PDE12: variants seen among roughly 807,000 people sequenced by gnomAD.
PDE12 encodes 2',5'-phosphodiesterase 12.
PDE12 carries 26 observed loss-of-function variants against 45.4 expected under a neutral mutation model. That is an observed-to-expected ratio of 0.57 (90% confidence interval 0.42 to 0.79). The LOEUF (loss-of-function observed/expected upper bound fraction) is 0.79. Among genes scored for constraint, PDE12 ranks in the 30% least tolerant of loss-of-function variants. The pLI, the probability that PDE12 is intolerant of heterozygous loss-of-function variation, is 0.00. For synonymous variants in PDE12, 283 were observed against 323.9 expected, an observed-to-expected ratio of 0.87 and a Z score of 1.36; for missense variants, 668 against 790.0, an observed-to-expected ratio of 0.85 and a Z score of 1.85.
the PDE12 span, chr3:57,584,550 A>G: frequency 8.3e-7 from 1 of 1,204,126 alleles, no homozygotes. Flanking sequence ...GTTCAAAACT[A>G]GAAGTTGACT....
the PDE12 span, among the ~76,000 whole-genome samples, chr3:57,647,315 T>C: frequency 6.6e-6 from 1 of 151,742 alleles, no homozygotes; most frequent in Non-Finnish European, 1.5e-5. Context: ...AAAAAACAGC[T>C]CATGGGTAAG....
At chr3:57,601,797 T>C in the PDE12 span, among the ~76,000 whole-genome samples, 1 of 143,634 alleles carries the variant, frequency 7.0e-6, no homozygotes, top group African/African-American at 2.6e-5. Context: ...CAGGCTGGAG[T>C]GCAGTGGCGC....
the PDE12 span, among the ~76,000 whole-genome samples, chr3:57,609,871 A>C: frequency 1.3e-5 from 2 of 152,128 alleles, no homozygotes; most frequent in African/African-American, 2.4e-5. Context: ...GGAATCCTCC[A>C]TAACTCATTT....
the PDE12 span, among the ~76,000 whole-genome samples, chr3:57,624,625 G>A: frequency 1.3e-5 from 2 of 151,732 alleles, no homozygotes; most frequent in Non-Finnish European, 2.9e-5. Flanking sequence ...TTAGCCAGGT[G>A]TGGTGGCACA....
the PDE12 span, among the ~76,000 whole-genome samples, chr3:57,574,759 G>A: frequency 2.6e-4 from 39 of 152,166 alleles, no homozygotes; most frequent in East Asian, 6.6e-3. Context: ...ACCATGGCTG[G>A]AATCCCAGCG....
the PDE12 span, among the ~76,000 whole-genome samples, chr3:57,655,933 T>G: frequency 6.6e-6 from 1 of 152,336 alleles, no homozygotes; most frequent in East Asian, 1.9e-4. Flanking sequence ...TTCTGCAAAT[T>G]ATTCCTTAAT....
chr3:57,647,732 A>G, the PDE12 span, among the ~76,000 whole-genome samples: 1 of 151,826 alleles, frequency 6.6e-6, no homozygotes, highest in Admixed American at 6.6e-5. Flanking sequence ...TAAGGAGAGC[A>G]CTCATGTGAG....
chr3:57,616,426 A>G, the PDE12 span, among the ~76,000 whole-genome samples: 1 of 151,308 alleles, frequency 6.6e-6, no homozygotes, highest in African/African-American at 2.4e-5. Context: ...CGGAGGGAGG[A>G]GCAGGAGGAA....
chr3:57,574,980 G>T, the PDE12 span, among the ~76,000 whole-genome samples: 1 of 152,036 alleles, frequency 6.6e-6, no homozygotes, highest in East Asian at 1.9e-4. Context: ...TTCCTGAGTA[G>T]CTGGGATTAC....
chr3:57,655,319 C>T, the PDE12 span, among the ~76,000 whole-genome samples: 3 of 152,194 alleles, frequency 2.0e-5, no homozygotes, highest in Non-Finnish European at 4.4e-5. Context: ...AGGCGTGAGC[C>T]ACTGCATCTG....
At chr3:57,573,625 G>C in the PDE12 span, among the ~76,000 whole-genome samples, 61,375 of 152,020 alleles carry the variant, frequency 0.4, 13,276 homozygotes, top group South Asian at 0.56. Flanking sequence ...CTCTTGCCCA[G>C]ACTGGAGTGC....
In PDE12 at chr3:57,556,358, C is replaced by T. The variant is rs924774317; in HGVS notation, c.-22C>T. On this transcript the variant is annotated 5_prime_UTR_variant, in exon 1 of 3. Coordinates refer to ENST00000311180, the MANE Select transcript of PDE12 (RefSeq NM_177966.7). The surrounding 1 kb of genome is among the most constrained non-coding windows in gnomAD (Gnocchi z 5.0). ...GCCGCTGATCGGCCGCGGGTCTTGT[C>T]GACCGCTAGGCCACCAGGTTCATGT... 2.6e-6 allele frequency: 4 copies of T among 1,535,894 alleles called. No homozygotes were observed. Among genetic ancestry groups the T allele is most frequent in the Non-Finnish European group, 3.5e-6 (4 of 1,139,878 alleles).
chr3:57,617,075 A>T, the PDE12 span, among the ~76,000 whole-genome samples: 3 of 151,538 alleles, frequency 2.0e-5, no homozygotes, highest in African/African-American at 7.3e-5. Context: ...ATGAACATAG[A>T]TGTAAAAATT....
the PDE12 span, among the ~76,000 whole-genome samples, chr3:57,610,185 C>T: frequency 1.2e-4 from 18 of 152,210 alleles, no homozygotes; most frequent in African/African-American, 3.4e-4. Context: ...AATTCAACAA[C>T]GCTTCATGCT....
chr3:57,575,078 G>A, the PDE12 span, among the ~76,000 whole-genome samples: 4 of 150,824 alleles, frequency 2.7e-5, no homozygotes, highest in Non-Finnish European at 4.4e-5. Context: ...TCAAACTCCC[G>A]ACCTCAGATG....
At chr3:57,586,064 G>A in the PDE12 span, among the ~76,000 whole-genome samples, 1 of 152,170 alleles carries the variant, frequency 6.6e-6, no homozygotes, top group Admixed American at 6.5e-5. Context: ...ATACCTCCTT[G>A]TAGGGTGACA....
At chr3:57,650,433 C>A in the PDE12 span, among the ~76,000 whole-genome samples, 3 of 151,502 alleles carry the variant, frequency 2.0e-5, no homozygotes, top group South Asian at 6.3e-4. Context: ...CACACACACA[C>A]ACACACACAC....
the PDE12 span, chr3:57,646,456 G>A: frequency 1.3e-6 from 2 of 1,589,064 alleles, no homozygotes; most frequent in Non-Finnish European, 1.7e-6. Flanking sequence ...GTGATGCACA[G>A]TAGAAATACT....
the PDE12 span, among the ~76,000 whole-genome samples, chr3:57,601,581 C>CAG: frequency 6.6e-6 from 1 of 152,102 alleles, no homozygotes; most frequent in African/African-American, 2.4e-5. Context: ...AGAATGGCAA[C>CAG]TGTAAGGGCC....
Sources: gnomAD v4.1 joint callset for allele counts (sites outside exome capture counted in the v4.1 genomes callset) on GRCh38, gnomAD v4.1.1 for gene constraint, Gnocchi (gnomAD v3.1) non-coding constraint, MANE v1.5 for transcripts, NCBI Gene and HGNC (gene_info 2026-07-23, HGNC 2026-07-21) for gene names.